KCNQ5: variants seen among roughly 807,000 people sequenced by gnomAD.
KCNQ5 encodes potassium voltage-gated channel subfamily Q member 5, also known as potassium voltage-gated channel subfamily KQT member 5.
In KCNQ5, 30 loss-of-function variants were observed where a neutral mutation model predicts 98.2. The observed-to-expected ratio is 0.31, with a 90% CI of 0.23 to 0.41. The LOEUF (loss-of-function observed/expected upper bound fraction) is 0.41, where lower values mean the gene tolerates loss of function less well. KCNQ5 is among the 10% of genes least tolerant of loss of function. The probability of loss-of-function intolerance (pLI) is 1.00; values close to 1 mark genes in which losing one functional copy is unlikely to be tolerated. For missense variants in KCNQ5, 835 were observed against 1,182.5 expected, an observed-to-expected ratio of 0.71 and a Z score of 4.31; for synonymous variants, 458 against 449.4, an observed-to-expected ratio of 1.02 and a Z score of -0.24.
intron 8 of KCNQ5, among the ~76,000 whole-genome samples, chr6:73,121,737 T>C (rs1283158056): frequency 6.6e-6 from 1 of 151,892 alleles, no homozygotes; most frequent in Admixed American, 6.6e-5. Context: ...TTAATGGAGG[T>C]TTGTGATGCA....
In KCNQ5 at chr6:72,867,108, A is replaced by C. The variant is rs9446775; in HGVS notation, c.399-136800A>C. The stretch of plus-strand genomic sequence containing the variant: ...TATGTGTATACATAGAATTGAAGGA[A>C]GATAGTTTGAAATTATGTATGGGAA... On this transcript the variant is annotated intron_variant, in intron 1 of 13. Coordinates refer to ENST00000370398, the MANE Select transcript of KCNQ5 (RefSeq NM_019842.4). Among the ~76,000 whole-genome samples, 742 of 152,340 alleles carry C rather than the reference A, an allele frequency of 4.9e-3. 7 individuals carry two copies. The highest frequency in any genetic ancestry group is 0.017 in the African/African-American group (710 of 41,574).
chr6:73,046,863 G>A (rs1771989218), intron 3 of KCNQ5, among the ~76,000 whole-genome samples: 1 of 152,014 alleles, frequency 6.6e-6, no homozygotes, highest in African/African-American at 2.4e-5. Context: ...GGCTGGTCTT[G>A]AACTCCTGGC....
At chr6:72,933,165 G>C (rs1765764333) in intron 1 of KCNQ5, among the ~76,000 whole-genome samples, 1 of 152,090 alleles carries the variant, frequency 6.6e-6, no homozygotes, top group Non-Finnish European at 1.5e-5. Context: ...ATCACCTTCA[G>C]ATGCTGAGAT....
intron 1 of KCNQ5, among the ~76,000 whole-genome samples, chr6:72,771,485 C>G (rs1233445875): frequency 6.6e-6 from 1 of 152,026 alleles, no homozygotes; most frequent in Non-Finnish European, 1.5e-5. Flanking sequence ...ATAGCCATCC[C>G]AGCAGATATG....
intron 1 of KCNQ5, among the ~76,000 whole-genome samples, chr6:72,705,314 G>T (rs1034339407): frequency 2.0e-5 from 3 of 152,136 alleles, no homozygotes; most frequent in African/African-American, 7.2e-5. Flanking sequence ...AATAAAGCTA[G>T]AATATGTCTT....
chr6:72,829,319 G>A (rs1405739702), intron 1 of KCNQ5, among the ~76,000 whole-genome samples: 1 of 152,148 alleles, frequency 6.6e-6, no homozygotes, highest in African/African-American at 2.4e-5. Flanking sequence ...ATTTAATGCA[G>A]CAATTAGACA....
At chr6:73,154,504 A>C (rs553850685) in intron 10 of KCNQ5, among the ~76,000 whole-genome samples, 6 of 152,114 alleles carry the variant, frequency 3.9e-5, no homozygotes, top group Non-Finnish European at 7.4e-5. Context: ...CTAAGTCTGG[A>C]TTGCCTTCTT....
At chr6:73,038,856 C>A (rs1198250130) in intron 2 of KCNQ5, among the ~76,000 whole-genome samples, 1 of 152,022 alleles carries the variant, frequency 6.6e-6, no homozygotes, top group Non-Finnish European at 1.5e-5. Flanking sequence ...ATAATACTGA[C>A]TTCATAAAAT....
chr6:73,156,959 G>A (rs1777384031), intron 10 of KCNQ5, among the ~76,000 whole-genome samples: 1 of 152,150 alleles, frequency 6.6e-6, no homozygotes, highest in African/African-American at 2.4e-5. Flanking sequence ...CGCTGAGTCT[G>A]GAAGCGTGTG....
intron 1 of KCNQ5, among the ~76,000 whole-genome samples, chr6:72,859,589 C>G (rs75771633): frequency 0.02 from 2,886 of 146,416 alleles, 61 homozygotes; most frequent in African/African-American, 0.057. Flanking sequence ...CTTTTTTTTT[C>G]TTTTGGAGCC....
intron 5 of KCNQ5, among the ~76,000 whole-genome samples, chr6:73,103,274 G>A (rs1021028134): frequency 5.3e-5 from 8 of 152,146 alleles, no homozygotes; most frequent in Non-Finnish European, 8.8e-5. Context: ...AGAAAATGTG[G>A]CACATATACA....
rs749433096 is a variant in KCNQ5 at position 73,077,487 on chromosome 6, C to T, written c.782C>T (p.Ala261Val). 3 of 1,612,422 alleles carry T rather than the reference C, an allele frequency of 1.9e-6. No homozygotes were observed. The highest frequency in any genetic ancestry group is 2.5e-6 in the Non-Finnish European group (3 of 1,179,516). The stretch of plus-strand genomic sequence containing the variant: ...AAATTACTGGGTTCAGTGGTTTATG[C>T]TCACAGCAAGGTAAGATTTGCTCTC... The part of the protein sequence containing the change: ...TWKLLGSVVY[A>V]HSKELITAWY... Residue 261 changes from alanine to valine, a missense_variant, in exon 4 of 14, where the codon GCT (alanine) becomes GTT (valine). By Grantham distance (64) the Ala-to-Val change is moderately conservative. Coordinates refer to ENST00000370398, the MANE Select transcript of KCNQ5 (RefSeq NM_019842.4).
At chr6:73,115,255 A>G (rs897995685) in intron 7 of KCNQ5, among the ~76,000 whole-genome samples, 1 of 152,242 alleles carries the variant, frequency 6.6e-6, no homozygotes, top group African/African-American at 2.4e-5. Flanking sequence ...TAGAATAAAC[A>G]GAGATTGAAA....
At chr6:72,921,608 A>T (rs1404391491) in intron 1 of KCNQ5, among the ~76,000 whole-genome samples, 1 of 152,202 alleles carries the variant, frequency 6.6e-6, no homozygotes, top group Non-Finnish European at 1.5e-5. Context: ...TTTCCTCCTC[A>T]GTAAAATTGG....
chr6:72,912,917 G>A (rs916293455), intron 1 of KCNQ5, among the ~76,000 whole-genome samples: 3 of 152,118 alleles, frequency 2.0e-5, no homozygotes, highest in Non-Finnish European at 4.4e-5. Flanking sequence ...AGTGGAAGGT[G>A]GGAGATGGGA....
At chr6:72,793,526 C>T (rs1307565619) in intron 1 of KCNQ5, among the ~76,000 whole-genome samples, 1 of 152,118 alleles carries the variant, frequency 6.6e-6, no homozygotes, top group Non-Finnish European at 1.5e-5. Context: ...GTCATGAATT[C>T]CTCTTCTTAT....
At chr6:72,772,965 A>C (rs1486213398) in intron 1 of KCNQ5, among the ~76,000 whole-genome samples, 1 of 152,158 alleles carries the variant, frequency 6.6e-6, no homozygotes, top group Admixed American at 6.6e-5. Context: ...AAATTAAACT[A>C]TATTGTTAAG....
intron 1 of KCNQ5, among the ~76,000 whole-genome samples, chr6:72,832,974 G>A (rs1776349308): frequency 6.6e-6 from 1 of 152,144 alleles, no homozygotes; most frequent in Admixed American, 6.5e-5. Flanking sequence ...GCTTGCCATG[G>A]ACAGCATTGA....
chr6:72,939,873 G>A (rs1766140458), intron 1 of KCNQ5, among the ~76,000 whole-genome samples: 1 of 152,182 alleles, frequency 6.6e-6, no homozygotes, highest in South Asian at 2.1e-4. Context: ...CTATGAAGAT[G>A]AGTAAAATGT....
Sources: allele counts gnomAD v4.1 joint callset (sites outside exome capture counted in the v4.1 genomes callset), GRCh38; gene constraint gnomAD v4.1.1; transcripts MANE v1.5; gene names NCBI Gene and HGNC (gene_info 2026-07-23, HGNC 2026-07-21).